MTCL3: variants seen among roughly 807,000 people sequenced by gnomAD.
MTCL3 encodes the protein microtubule cross-linking factor 3.
At chr6:127,473,730 A>T in the MTCL3 span, among the ~76,000 whole-genome samples, 9 of 152,180 alleles carry the variant, frequency 5.9e-5, no homozygotes, top group African/African-American at 2.2e-4. Context: ...TTAATCTAAA[A>T]CCATGCTTCT....
the MTCL3 span, among the ~76,000 whole-genome samples, chr6:127,505,491 G>A: frequency 1.1e-4 from 17 of 152,124 alleles, no homozygotes; most frequent in Non-Finnish European, 2.1e-4. Context: ...CACATGGAGG[G>A]GAACAACACT....
the MTCL3 span, chr6:127,516,109 C>T: frequency 6.8e-7 from 1 of 1,475,718 alleles, no homozygotes; most frequent in Non-Finnish European, 8.9e-7. Context: ...TTCCCCGCCC[C>T]CTCCTCCCCC....
chr6:127,475,318 G>A, the MTCL3 span: 1 of 1,610,884 alleles, frequency 6.2e-7, no homozygotes, highest in Non-Finnish European at 8.5e-7. This position sits in a 1 kb window ranked among gnomAD's most constrained non-coding sequence, Gnocchi z 7.3. Flanking sequence ...GGGCTCCTCG[G>A]CGCCGCGGTC....
the MTCL3 span, among the ~76,000 whole-genome samples, chr6:127,494,892 T>A: frequency 6.6e-6 from 1 of 152,242 alleles, no homozygotes; most frequent in East Asian, 1.9e-4. Flanking sequence ...CTGGGATATT[T>A]CTCAGCTTAG....
the MTCL3 span, among the ~76,000 whole-genome samples, chr6:127,495,434 A>G: frequency 6.6e-6 from 1 of 152,166 alleles, no homozygotes; most frequent in Non-Finnish European, 1.5e-5. Context: ...AACTGTGGCC[A>G]ACATTTATAA....
At chr6:127,475,934 T>C in the MTCL3 span, 1 of 1,612,942 alleles carries the variant, frequency 6.2e-7, no homozygotes, top group Non-Finnish European at 8.5e-7. The surrounding 1 kb of genome is among the most constrained non-coding windows in gnomAD (Gnocchi z 7.3). Context: ...AGGGCCTCGG[T>C]CTTGGCGTTG....
the MTCL3 span, chr6:127,516,041 G>A: frequency 6.4e-7 from 1 of 1,554,690 alleles, no homozygotes. Context: ...CCCCTGGGCG[G>A]CGGCGGCTGC....
the MTCL3 span, chr6:127,512,868 C>G: frequency 6.3e-6 from 10 of 1,598,930 alleles, no homozygotes; most frequent in Non-Finnish European, 7.7e-6. Context: ...ACATAGTACA[C>G]CATGAAATAA....
the MTCL3 span, chr6:127,475,455 G>C: frequency 6.2e-7 from 1 of 1,613,258 alleles, no homozygotes; most frequent in Non-Finnish European, 8.5e-7. The surrounding 1 kb of genome is among the most constrained non-coding windows in gnomAD (Gnocchi z 7.3). Flanking sequence ...CGTCCTCCTC[G>C]TCCATGAGTC....
the MTCL3 span, chr6:127,481,194 C>A: frequency 1.6e-6 from 1 of 633,248 alleles, no homozygotes; most frequent in African/African-American, 2.0e-5. Flanking sequence ...ACTTTTAACA[C>A]AGGAAGTGTA....
At chr6:127,499,797 T>C in the MTCL3 span, among the ~76,000 whole-genome samples, 1 of 152,146 alleles carries the variant, frequency 6.6e-6, no homozygotes, top group East Asian at 1.9e-4. Flanking sequence ...GTTTGGCCAA[T>C]AGAAGGCACT....
the MTCL3 span, among the ~76,000 whole-genome samples, chr6:127,511,478 A>G: frequency 3.3e-5 from 5 of 152,188 alleles, no homozygotes; most frequent in East Asian, 9.6e-4. Context: ...TTAAATGGCA[A>G]TGTTCTGAAT....
chr6:127,475,162 C>T, the MTCL3 span: 2 of 928,706 alleles, frequency 2.2e-6, no homozygotes, highest in East Asian at 2.9e-5. This position sits in a 1 kb window ranked among gnomAD's most constrained non-coding sequence, Gnocchi z 7.3. Flanking sequence ...GGTTTCAGGC[C>T]CCAGCGCGGC....
At chr6:127,504,006 T>TGGCCTTAATAACATGGACTC in the MTCL3 span, among the ~76,000 whole-genome samples, 11 of 152,334 alleles carry the variant, frequency 7.2e-5, 1 homozygote, top group African/African-American at 2.6e-4. Flanking sequence ...AACATGGACT[T>TGGCCTTAATAACATGGACTC]GGTCTTAATA....
At chr6:127,493,578 G>T in the MTCL3 span, among the ~76,000 whole-genome samples, 1 of 152,174 alleles carries the variant, frequency 6.6e-6, no homozygotes, top group African/African-American at 2.4e-5. Context: ...GCAGAGACCT[G>T]AATTTGCCAA....
chr6:127,513,157 AC>A, the MTCL3 span: 1 of 1,016,220 alleles, frequency 9.8e-7, no homozygotes, highest in East Asian at 2.6e-5. Flanking sequence ...TATGGTGTTT[AC>A]CATGTGCCAG....
At chr6:127,493,198 T>C in the MTCL3 span, among the ~76,000 whole-genome samples, 2 of 152,176 alleles carry the variant, frequency 1.3e-5, no homozygotes, top group African/African-American at 2.4e-5. Flanking sequence ...ATTCCAAAAT[T>C]TCCTACTTAT....
chr6:127,474,231 T>C, the MTCL3 span, among the ~76,000 whole-genome samples: 1 of 152,196 alleles, frequency 6.6e-6, no homozygotes, highest in Non-Finnish European at 1.5e-5. Flanking sequence ...TTACCACTGG[T>C]TTCTACATTT....
chr6:127,501,823 C>A, the MTCL3 span, among the ~76,000 whole-genome samples: 1 of 152,060 alleles, frequency 6.6e-6, no homozygotes, highest in Non-Finnish European at 1.5e-5. Flanking sequence ...TTAACTGATC[C>A]TGAAATGTAA....
Sources: allele counts gnomAD v4.1 joint callset (sites outside exome capture counted in the v4.1 genomes callset), GRCh38; gene constraint gnomAD v4.1.1; non-coding constraint Gnocchi (gnomAD v3.1); transcripts MANE v1.5; gene names NCBI Gene and HGNC (gene_info 2026-07-23, HGNC 2026-07-21).